Variants in SYCP1 observed in about 807,000 individuals in gnomAD.
SYCP1 encodes the protein cancer/testis antigen 8.
A neutral mutation model predicts 153.1 loss-of-function variants in SYCP1; 64 were observed. The ratio of observed to expected loss-of-function variants is 0.42; its 90% confidence interval spans 0.34 to 0.51. The LOEUF is 0.51. SYCP1 is among the 20% of genes least tolerant of loss of function. SYCP1 has a pLI of 0.06. For missense variants in SYCP1, 997 were observed against 1,049.0 expected, an observed-to-expected ratio of 0.95 and a Z score of 0.68; for synonymous variants, 384 against 341.8, an observed-to-expected ratio of 1.12 and a Z score of -1.36.
chr1:114,906,289 G>A (rs1667804540), intron 16 of SYCP1, among the ~76,000 whole-genome samples: 1 of 151,568 alleles, frequency 6.6e-6, no homozygotes. Context: ...GTCTGGTAGA[G>A]GTTTCTTAAT....
chr1:114,965,673 T>A (rs143941853), intron 27 of SYCP1, among the ~76,000 whole-genome samples: 1 of 152,300 alleles, frequency 6.6e-6, no homozygotes, highest in East Asian at 1.9e-4. Context: ...GATTTGCATA[T>A]GTTGAACCAG....
At chr1:114,949,982 CATAG>C (rs1348108233) in intron 27 of SYCP1, among the ~76,000 whole-genome samples, 1 of 152,122 alleles carries the variant, frequency 6.6e-6, no homozygotes, top group Non-Finnish European at 1.5e-5. Context: ...TATGCCTGTA[CATAG>C]ATAGATATAA....
chr1:114,909,495 T>TACACACACACACAC (rs57520899), intron 16 of SYCP1, among the ~76,000 whole-genome samples: 10 of 106,504 alleles, frequency 9.4e-5, no homozygotes, highest in African/African-American at 3.7e-4. Flanking sequence ...TCCCTTGCTG[T>TACACACACACACAC]ACACACACAC....
At chr1:114,963,627 G>A (rs929144811) in intron 27 of SYCP1, among the ~76,000 whole-genome samples, 11 of 152,046 alleles carry the variant, frequency 7.2e-5, no homozygotes, top group Non-Finnish European at 1.2e-4. Context: ...TGTGGTGTTT[G>A]GTTTTCTGTT....
chr1:114,874,688 A>T (rs1349427074), intron 9 of SYCP1, 124 bp downstream of exon 9: 2 of 569,102 alleles, frequency 3.5e-6, no homozygotes, highest in African/African-American at 3.9e-5. Flanking sequence ...TTGATATATT[A>T]TTGTATCACT....
At chr1:114,926,423 G>A in intron 22 of SYCP1, 78 bp from the exon 23 acceptor site, 1 of 1,478,416 alleles carries the variant, frequency 6.8e-7, no homozygotes, top group Non-Finnish European at 9.0e-7. Flanking sequence ...CCTTCCTTTA[G>A]TAATTTAAGT....
At chr1:114,895,540 C>G in intron 16 of SYCP1, 31 bp downstream of exon 16, 7 of 1,197,284 alleles carry the variant, frequency 5.8e-6, no homozygotes, top group Non-Finnish European at 8.1e-6. Flanking sequence ...TAATATATAG[C>G]AATTACTTTT....
At chr1:114,881,541 T>TTCCTTCCTTCCTTCCTTCCTTCCTTCC (rs1557767728) in intron 12 of SYCP1, among the ~76,000 whole-genome samples, 5 of 151,618 alleles carry the variant, frequency 3.3e-5, no homozygotes, top group East Asian at 1.9e-4. Context: ...CCTTCCTTCC[T>TTCCTTCCTTCCTTCCTTCCTTCCTTCC]TTCTTGATGG....
At chr1:114,982,462 T>C (rs1311947248) in intron 29 of SYCP1, among the ~76,000 whole-genome samples, 1 of 151,870 alleles carries the variant, frequency 6.6e-6, no homozygotes, top group Non-Finnish European at 1.5e-5. Flanking sequence ...TTCAGGCTCA[T>C]GGATTCTTCT....
At chr1:114,874,136 G>C (rs1000456331) in intron 8 of SYCP1, among the ~76,000 whole-genome samples, 1 of 152,118 alleles carries the variant, frequency 6.6e-6, no homozygotes, top group Non-Finnish European at 1.5e-5. Context: ...AGAGTTTTCT[G>C]CTTATGGGTT....
chr1:114,855,674 A>G, intron 2 of SYCP1, 102 bp downstream of exon 2: 1 of 929,990 alleles, frequency 1.1e-6, no homozygotes, highest in Non-Finnish European at 1.6e-6. Flanking sequence ...TTTCTTCTCA[A>G]TAAATGGTCT....
intron 16 of SYCP1, among the ~76,000 whole-genome samples, chr1:114,905,047 A>G (rs1667726675): frequency 6.6e-6 from 1 of 152,104 alleles, no homozygotes; most frequent in Non-Finnish European, 1.5e-5. Flanking sequence ...GGTGTTGAGT[A>G]TTGTACTTTT....
chr1:114,883,145 T>G (rs1037884353), intron 12 of SYCP1, among the ~76,000 whole-genome samples: 2 of 152,194 alleles, frequency 1.3e-5, no homozygotes, highest in African/African-American at 4.8e-5. Flanking sequence ...AGCTTAATGC[T>G]TTAATATTCT....
intron 27 of SYCP1, among the ~76,000 whole-genome samples, chr1:114,964,620 T>C (rs1220292470): frequency 2.0e-5 from 3 of 152,208 alleles, no homozygotes; most frequent in African/African-American, 7.2e-5. Flanking sequence ...CAATACCATT[T>C]ATTAAATAGG....
chr1:114,949,061 C>G (rs932078344), intron 27 of SYCP1, among the ~76,000 whole-genome samples: 1 of 152,110 alleles, frequency 6.6e-6, no homozygotes, highest in Non-Finnish European at 1.5e-5. Flanking sequence ...GAGCAGTTTA[C>G]GGCAAAGGGA....
At chr1:114,858,770 A>G in intron 6 of SYCP1, 59 bp downstream of exon 6, 1 of 1,358,254 alleles carries the variant, frequency 7.4e-7, no homozygotes, top group Admixed American at 2.1e-5. Flanking sequence ...AATACTGTTG[A>G]AAGTAGAGTA....
At chr1:114,884,711 A>G (rs1014507656) in intron 12 of SYCP1, among the ~76,000 whole-genome samples, 12 of 152,222 alleles carry the variant, frequency 7.9e-5, no homozygotes, top group Non-Finnish European at 1.0e-4. Context: ...GTTTAATTCT[A>G]ACAGCAGGTG....
intron 30 of SYCP1, among the ~76,000 whole-genome samples, chr1:114,986,900 G>A (rs1315483858): frequency 6.6e-6 from 1 of 151,920 alleles, no homozygotes; most frequent in Non-Finnish European, 1.5e-5. Context: ...AAATATGATA[G>A]CAGCTACCAG....
At chr1:114,975,837 A>G (rs778397212) in intron 27 of SYCP1, among the ~76,000 whole-genome samples, 3 of 151,810 alleles carry the variant, frequency 2.0e-5, no homozygotes, top group Non-Finnish European at 3.0e-5. Flanking sequence ...GAGAGATTCA[A>G]AGTTGGTCCT....
Sources: allele counts gnomAD v4.1 joint callset (sites outside exome capture counted in the v4.1 genomes callset), GRCh38; gene constraint gnomAD v4.1.1; transcripts MANE v1.5; gene names NCBI Gene and HGNC (gene_info 2026-07-23, HGNC 2026-07-21).